Variants in SMC1B observed in about 807,000 individuals in gnomAD.
SMC1B encodes structural maintenance of chromosomes protein 1B.
SMC1B carries 60 observed loss-of-function variants against 157.9 expected under a neutral mutation model. The ratio of observed to expected loss-of-function variants is 0.38; its 90% CI spans 0.31 to 0.47. The LOEUF (loss-of-function observed/expected upper bound fraction) is 0.47. Among genes scored for constraint, SMC1B ranks in the 20% least tolerant of loss-of-function variants. The probability of loss-of-function intolerance (pLI) is 0.99; values close to 1 mark genes in which losing one functional copy is unlikely to be tolerated. For synonymous variants in SMC1B, 445 were observed against 483.0 expected (o/e 0.92, Z 1.03); for missense variants, 1,165 against 1,426.2 (o/e 0.82, Z 2.95).
intron 10 of SMC1B, among the ~76,000 whole-genome samples, chr22:45,389,306 C>T (rs1018317058): frequency 1.3e-5 from 2 of 152,150 alleles, no homozygotes; most frequent in East Asian, 3.8e-4. Flanking sequence ...AAAATTTAGC[C>T]TTTTCCACAA....
chr22:45,408,687 GA>G lies in SMC1B; in HGVS notation c.298+22del, dbSNP rs535865160. 8.5e-3 allele frequency: 13,017 copies of G among 1,523,514 alleles called. 66 individuals are homozygous for G. Among genetic ancestry groups the G allele is most frequent in the Non-Finnish European group, 0.01 (11,817 of 1,130,588 alleles). The allele number at this position is 1,523,514 out of a possible 1,614,324, so 94.4% of individuals were successfully genotyped here. The stretch of plus-strand genomic sequence containing the variant: ...TTACTTGACTCTTGAAAAATAAAAT[GA>G]AAAAAAATTATAAAAAAATACCTCG... On this transcript the variant is annotated intron_variant, in intron 2 of 24. Coordinates refer to ENST00000357450, the MANE Select transcript of SMC1B (RefSeq NM_148674.5).
chr22:45,392,898 A>AC (rs1283795839), intron 9 of SMC1B, among the ~76,000 whole-genome samples: 1 of 152,088 alleles, frequency 6.6e-6, no homozygotes, highest in East Asian at 1.9e-4. Context: ...ACAGGGTTTC[A>AC]CCATGTTGGC....
intron 12 of SMC1B, among the ~76,000 whole-genome samples, chr22:45,374,026 T>C (rs6006736): frequency 0.48 from 71,377 of 147,494 alleles, 19,337 homozygotes; most frequent in African/African-American, 0.75. Flanking sequence ...AGGTTATGTA[T>C]AAAACAAGGT....
Position 45,354,141 on chromosome 22 carries a change from G to GAATC in SMC1B, c.3119-13_3119-10dup, listed in dbSNP as rs770352488. ...TCTGCTGGCCTCAAAAGCTAAGAGA[G>GAATC]AATCAATGTTCTTTATTTTAGAGAC... On this transcript the variant is annotated splice_polypyrimidine_tract_variant and intron_variant, in intron 20 of 24. Transcript: ENST00000357450. 6.5e-7 allele frequency: 1 copy of GAATC among 1,531,536 alleles called. No individual in the cohort carries two copies. The highest frequency in any genetic ancestry group is 1.3e-5 in the South Asian group (1 of 76,742). 94.9% of individuals were successfully genotyped at this position (1,531,536 alleles called of 1,614,324 possible). A position where few individuals can be genotyped will look rare whatever the true frequency, so the allele number is the denominator to read the frequency against.
At chr22:45,354,202 T>A in intron 20 of SMC1B, 70 bp from the exon 21 acceptor site, 2 of 1,226,524 alleles carry the variant, frequency 1.6e-6, no homozygotes, top group South Asian at 2.2e-5. Flanking sequence ...CTGTAAAGCA[T>A]AAAATATTTT....
intron 18 of SMC1B, among the ~76,000 whole-genome samples, chr22:45,359,590 C>G (rs1219715139): frequency 2.6e-5 from 4 of 152,216 alleles, no homozygotes; most frequent in Non-Finnish European, 5.9e-5. Context: ...CTTTAATTCT[C>G]TGATTTCTCT....
intron 9 of SMC1B, among the ~76,000 whole-genome samples, chr22:45,390,774 C>G (rs1391594472): frequency 6.6e-6 from 1 of 151,272 alleles, no homozygotes; most frequent in East Asian, 1.9e-4. Flanking sequence ...GAAGAATGGT[C>G]AAGAATTAAT....
chr22:45,353,913 A>AC lies in SMC1B; in HGVS notation c.3273+64_3273+65insG, dbSNP rs2086641428. 11 of 757,716 alleles carry AC rather than the reference A, an allele frequency of 1.5e-5. No individual in the cohort carries two copies. The South Asian group carries it at 1.5e-4, about 10-fold the overall frequency. The allele number at this position is 757,716 out of a possible 1,614,324, so 46.9% of individuals were successfully genotyped here. A position where few individuals can be genotyped will look rare whatever the true frequency, so the allele number is the denominator to read the frequency against. On this transcript the variant is annotated intron_variant, in intron 21 of 24. Coordinates refer to ENST00000357450, the MANE Select transcript of SMC1B (RefSeq NM_148674.5). ...CCCACCAAAAAAAAAAAAAAAAAAA[A>AC]AAAAAAACAACCACCACCGGTAACA...
chr22:45,398,532 AG>A (rs2087153805), intron 6 of SMC1B, among the ~76,000 whole-genome samples: 1 of 152,198 alleles, frequency 6.6e-6, no homozygotes, highest in South Asian at 2.1e-4. Flanking sequence ...AAAGTGACTG[AG>A]AAAAATCCTG....
intron 8 of SMC1B, among the ~76,000 whole-genome samples, 168 bp from the exon 9 acceptor site, chr22:45,394,009 T>G (rs559668308): frequency 6.6e-6 from 1 of 152,172 alleles, no homozygotes; most frequent in African/African-American, 2.4e-5. Flanking sequence ...CAAAAAAGAT[T>G]TTGCTCATTC....
intron 5 of SMC1B, among the ~76,000 whole-genome samples, chr22:45,401,121 A>G (rs568489227): frequency 6.6e-6 from 1 of 152,354 alleles, no homozygotes; most frequent in East Asian, 1.9e-4. Context: ...TTAATGTATC[A>G]ATATTAGTTT....
chr22:45,401,891 T>A (rs1301124160), intron 5 of SMC1B, among the ~76,000 whole-genome samples: 1 of 148,020 alleles, frequency 6.8e-6, no homozygotes, highest in South Asian at 2.1e-4. Context: ...TACACCACCT[T>A]TTTTTTTTTT....
intron 10 of SMC1B, 88 bp from the exon 11 acceptor site, chr22:45,387,134 C>T (rs867188610): frequency 1.8e-5 from 20 of 1,138,026 alleles, no homozygotes; most frequent in African/African-American, 3.2e-5. Context: ...AACATATATA[C>T]GCATGGCAGC....
intron 23 of SMC1B, among the ~76,000 whole-genome samples, chr22:45,349,295 G>A (rs1316514129): frequency 4.6e-5 from 7 of 151,920 alleles, no homozygotes; most frequent in Admixed American, 3.3e-4. Flanking sequence ...GATTACAGGC[G>A]TGAGCCACGG....
chr22:45,374,561 A>T (rs910512751), intron 12 of SMC1B, among the ~76,000 whole-genome samples: 6 of 152,210 alleles, frequency 3.9e-5, no homozygotes, highest in African/African-American at 1.4e-4. Flanking sequence ...TTTGGACCAA[A>T]TTCTAATTTT....
intron 8 of SMC1B, among the ~76,000 whole-genome samples, chr22:45,394,105 G>C (rs905427073): frequency 6.6e-6 from 1 of 151,910 alleles, no homozygotes; most frequent in Non-Finnish European, 1.5e-5. Context: ...TGGCTGGCTT[G>C]AGTCTAGGAA....
rs369592252 is a variant in SMC1B, at chr22:45,404,735, A to G, written c.615+1725T>C. ...TCCTTTCCAGAATGAAGCAACATAC[A>G]TCTTACAAGTATTGACTGATGTCTT... is the stretch of plus-strand genomic sequence containing the variant. On this transcript the variant is annotated intron_variant, in intron 4 of 24. Transcript: ENST00000357450. Among the ~76,000 whole-genome samples the G allele has an allele frequency of 5.4e-4, 83 of 152,340 alleles. 2 individuals carry two copies. In the South Asian group the frequency reaches 0.016, roughly 30 times the overall value.
At chr22:45,397,740 A>G (rs752106007) in intron 6 of SMC1B, among the ~76,000 whole-genome samples, 1 of 152,114 alleles carries the variant, frequency 6.6e-6, no homozygotes, top group Non-Finnish European at 1.5e-5. Context: ...ATCAGCACAC[A>G]TTCCTCCATT....
At position 45,408,859 on chromosome 22, in the gene SMC1B, C is replaced by T; in HGVS notation, c.149G>A (p.Gly50Glu). 2 of 1,556,354 alleles carry T rather than the reference C, an allele frequency of 1.3e-6. No homozygotes were observed. Among genetic ancestry groups the T allele is most frequent in the Non-Finnish European group, 8.6e-7 (1 of 1,157,032 alleles). The change falls in exon 2 of 25, where the codon GGA becomes GAA. Residue 50 changes from glycine to glutamate, a missense_variant. Physicochemically the swap from Gly to Glu is moderately conservative, Grantham distance 98 (BLOSUM62 -2). Coordinates refer to ENST00000357450, the MANE Select transcript of SMC1B (RefSeq NM_148674.5). ...CACTCTTAAATTAGCTATTTTCTCT[C>T]CCATTACAAAACTAAGTGCATCCAT... ...NVMDALSFVMGEKIANLRVKN... is the reference protein window; with the variant it reads ...NVMDALSFVMEEKIANLRVKN...
Sources: gnomAD v4.1 joint callset for allele counts (sites outside exome capture counted in the v4.1 genomes callset) on GRCh38, gnomAD v4.1.1 for gene constraint, MANE v1.5 for transcripts, NCBI Gene and HGNC (gene_info 2026-07-23, HGNC 2026-07-21) for gene names.